The following CACNA2D3 variants were observed in gnomAD, a reference collection of about 807,000 sequenced individuals.
CACNA2D3 encodes calcium voltage-gated channel auxiliary subunit alpha2delta 3, also known as voltage-dependent calcium channel subunit alpha-2/delta-3.
CACNA2D3 carries 60 observed loss-of-function variants against 160.6 expected under a neutral mutation model. The ratio of observed to expected loss-of-function variants is 0.37; its 90% confidence interval spans 0.30 to 0.46. The LOEUF is 0.46. CACNA2D3 is among the 20% of genes least tolerant of loss of function. CACNA2D3 has a pLI of 1.00. For synonymous variants in CACNA2D3, 558 were observed against 492.9 expected (o/e 1.13, Z -1.75); for missense variants, 1,205 against 1,365.0 (o/e 0.88, Z 1.85).
intron 35 of CACNA2D3, among the ~76,000 whole-genome samples, chr3:55,045,421 G>C (rs1203044535): frequency 2.6e-5 from 4 of 152,176 alleles, no homozygotes; most frequent in Non-Finnish European, 4.4e-5. Context: ...AAAAACACTT[G>C]TGAAGTGTTC....
At chr3:54,752,518 A>T in intron 11 of CACNA2D3, 81 bp from the exon 12 acceptor site, 1 of 890,272 alleles carries the variant, frequency 1.1e-6, no homozygotes, top group East Asian at 2.5e-5. Flanking sequence ...GGTAAGCCAC[A>T]TGTGTGTGAG....
At chr3:54,349,284 T>C (rs1033661685) in intron 3 of CACNA2D3, among the ~76,000 whole-genome samples, 1 of 152,200 alleles carries the variant, frequency 6.6e-6, no homozygotes, top group Non-Finnish European at 1.5e-5. Context: ...CCAAGCCTGC[T>C]GAGACTGTGG....
chr3:54,760,677 G>A (rs1452425354), intron 12 of CACNA2D3, among the ~76,000 whole-genome samples: 1 of 151,964 alleles, frequency 6.6e-6, no homozygotes, highest in African/African-American at 2.4e-5. Context: ...AGTGGAGATT[G>A]GGAAGTGAAT....
chr3:54,562,319 T>A (rs1191147273), intron 5 of CACNA2D3, among the ~76,000 whole-genome samples: 1 of 152,208 alleles, frequency 6.6e-6, no homozygotes, highest in East Asian at 1.9e-4. Flanking sequence ...TTATTTATTT[T>A]TTTAAGAAAA....
chr3:54,693,077 G>A (rs998552431), intron 11 of CACNA2D3, among the ~76,000 whole-genome samples: 1 of 151,990 alleles, frequency 6.6e-6, no homozygotes. Context: ...CCAAAGTTGT[G>A]TAGTAACACA....
chr3:54,134,468 G>A (rs978062862), intron 2 of CACNA2D3, among the ~76,000 whole-genome samples: 1 of 152,144 alleles, frequency 6.6e-6, no homozygotes, highest in African/African-American at 2.4e-5. Context: ...AGGAATAGCC[G>A]CCCAGCCTTT....
intron 14 of CACNA2D3, among the ~76,000 whole-genome samples, chr3:54,819,866 A>C (rs917319037): frequency 2.6e-5 from 4 of 151,898 alleles, no homozygotes; most frequent in African/African-American, 4.8e-5. Flanking sequence ...CACACACACA[A>C]AACCTGTGTG....
intron 2 of CACNA2D3, among the ~76,000 whole-genome samples, chr3:54,265,090 G>A (rs1702474772): frequency 6.6e-6 from 1 of 152,126 alleles, no homozygotes; most frequent in Admixed American, 6.5e-5. Flanking sequence ...AATCCTTTGG[G>A]TATATACCCA....
chr3:54,865,415 C>T (rs1426653821), intron 17 of CACNA2D3, among the ~76,000 whole-genome samples: 1 of 152,158 alleles, frequency 6.6e-6, no homozygotes, highest in Non-Finnish European at 1.5e-5. Flanking sequence ...ACTTCATGCC[C>T]CCCACCTTCC....
chr3:54,970,332 A>G (rs932961431), intron 29 of CACNA2D3, among the ~76,000 whole-genome samples: 8 of 152,038 alleles, frequency 5.3e-5, no homozygotes, highest in African/African-American at 1.9e-4. Context: ...TTGAAACTCA[A>G]AATGTTTCTT....
chr3:54,465,754 T>G (rs767244684), intron 4 of CACNA2D3, among the ~76,000 whole-genome samples: 1 of 152,248 alleles, frequency 6.6e-6, no homozygotes, highest in Non-Finnish European at 1.5e-5. Context: ...TTTTCTATTG[T>G]TGCATAACTC....
At chr3:55,044,493 T>G (rs1704031724) in intron 35 of CACNA2D3, among the ~76,000 whole-genome samples, 1 of 152,232 alleles carries the variant, frequency 6.6e-6, no homozygotes, top group South Asian at 2.1e-4. Flanking sequence ...CTTGCTTTTT[T>G]ATAGCATCTT....
At chr3:54,907,670 T>G (rs1162660181) in intron 27 of CACNA2D3, among the ~76,000 whole-genome samples, 1 of 152,184 alleles carries the variant, frequency 6.6e-6, no homozygotes, top group East Asian at 1.9e-4. Flanking sequence ...TAATAATATC[T>G]TGATATGTTT....
rs1293046084 is a variant in CACNA2D3, at chr3:55,073,435, G to C, written c.2988-10G>C. 3.1e-6 allele frequency: 5 copies of C among 1,607,864 alleles called. No individual in the cohort carries two copies. The Admixed American group carries it at 6.7e-5, about 21-fold the overall frequency. On this transcript the variant is annotated splice_polypyrimidine_tract_variant and intron_variant, in intron 35 of 37. Transcript: ENST00000474759. Reference sequence around the variant, plus strand: ...GTAAATGACTGCCTCGCTACCTCTTGTTCCAACAGGTCCTTTGTCATCCAG... The same window carrying C: ...GTAAATGACTGCCTCGCTACCTCTTCTTCCAACAGGTCCTTTGTCATCCAG...
chr3:54,139,827 T>C (rs1387310547), intron 2 of CACNA2D3, among the ~76,000 whole-genome samples: 2 of 152,170 alleles, frequency 1.3e-5, no homozygotes, highest in Non-Finnish European at 2.9e-5. Context: ...GGAGGAGAGC[T>C]GAGTTCTCTC....
At chr3:54,942,223 G>A (rs571775556) in intron 27 of CACNA2D3, among the ~76,000 whole-genome samples, 12 of 152,186 alleles carry the variant, frequency 7.9e-5, no homozygotes, top group Admixed American at 3.3e-4. Flanking sequence ...TGCTTTTAAC[G>A]CCAGCCCATG....
intron 2 of CACNA2D3, among the ~76,000 whole-genome samples, chr3:54,252,183 G>GA (rs1431797201): frequency 6.8e-6 from 1 of 147,288 alleles, no homozygotes; most frequent in African/African-American, 2.6e-5. Context: ...ATCCTTGAAG[G>GA]AAAAATCTTT....
rs34052239 is a variant in CACNA2D3, at chr3:54,276,572, C to CAAA, written c.205-43854_205-43852dup. Among the ~76,000 whole-genome samples the CAAA allele has an allele frequency of 1.9e-3, 221 of 114,558 alleles. 2 individuals are homozygous for CAAA. The East Asian group carries it at 0.021, about 11-fold the overall frequency. The allele number at this position is 114,558 out of a possible 152,430, so 75.2% of individuals were successfully genotyped here. ...TGGTCAACAGGGCAAGACTCTGTCT[C>CAAA]AAAAAAAAAAAAAAAAAAGAAGAAG... On this transcript the variant is annotated intron_variant, in intron 2 of 37. Transcript: ENST00000474759.
chr3:54,969,875 C>A, intron 29 of CACNA2D3, 31 bp downstream of exon 29: 1 of 1,600,028 alleles, frequency 6.2e-7, no homozygotes, highest in Non-Finnish European at 8.6e-7. Context: ...TGTTTCTACC[C>A]CTGTGGATAG....
Sources: allele counts gnomAD v4.1 joint callset (sites outside exome capture counted in the v4.1 genomes callset), GRCh38; gene constraint gnomAD v4.1.1; transcripts MANE v1.5; gene names NCBI Gene and HGNC (gene_info 2026-07-23, HGNC 2026-07-21).